The following LRRFIP1 variants were observed in gnomAD, a reference collection of about 807,000 sequenced individuals.
The protein encoded by LRRFIP1 is LRR binding FLII interacting protein 1.
LRRFIP1 carries 62 observed loss-of-function variants against 104.4 expected under a neutral mutation model. The observed-to-expected ratio is 0.59, with a 90% CI of 0.48 to 0.73. The LOEUF is 0.73. LRRFIP1 is among the 30% of genes least tolerant of loss of function. The pLI is 0.00. For missense variants in LRRFIP1, 796 were observed against 824.5 expected (o/e 0.97, Z 0.42); for synonymous variants, 300 against 299.0 (o/e 1.00, Z -0.03).
intron 1 of LRRFIP1, among the ~76,000 whole-genome samples, chr2:237,630,789 C>T (rs1318097592): frequency 6.6e-6 from 1 of 152,256 alleles, no homozygotes; most frequent in African/African-American, 2.4e-5. Flanking sequence ...ACCTGCGCAG[C>T]TGGTTGGGCT....
intron 23 of LRRFIP1, among the ~76,000 whole-genome samples, chr2:237,778,936 A>C (rs1450583189): frequency 1.3e-5 from 2 of 148,660 alleles, no homozygotes; most frequent in East Asian, 2.0e-4. Flanking sequence ...AACAAACAAA[A>C]AAAGAGGCCG....
At chr2:237,699,136 C>T (rs1225800525) in intron 1 of LRRFIP1, among the ~76,000 whole-genome samples, 1 of 152,178 alleles carries the variant, frequency 6.6e-6, no homozygotes, top group Non-Finnish European at 1.5e-5. Context: ...CCTCATGTTG[C>T]TGTCTATGAC....
At chr2:237,648,930 T>C (rs1436283148) in intron 1 of LRRFIP1, among the ~76,000 whole-genome samples, 1 of 151,946 alleles carries the variant, frequency 6.6e-6, no homozygotes, top group East Asian at 1.9e-4. Context: ...TCTGCTTCCT[T>C]TCTGGGGTGA....
intron 13 of LRRFIP1, among the ~76,000 whole-genome samples, chr2:237,750,673 C>A (rs539092896): frequency 6.6e-6 from 1 of 152,080 alleles, no homozygotes; most frequent in Non-Finnish European, 1.5e-5. Flanking sequence ...GCAGAGTTGG[C>A]GGCAGTCCTG....
At chr2:237,775,990 G>A (rs891946986) in intron 23 of LRRFIP1, among the ~76,000 whole-genome samples, 17 of 150,688 alleles carry the variant, frequency 1.1e-4, no homozygotes, top group South Asian at 6.3e-4. Context: ...TTTTTGAGAC[G>A]GAGTCTGACT....
intron 23 of LRRFIP1, 95 bp downstream of exon 23, chr2:237,774,557 C>T (rs2060921739): frequency 2.5e-6 from 2 of 811,400 alleles, no homozygotes; most frequent in African/African-American, 1.7e-5. Flanking sequence ...GACATCTGCC[C>T]CTGGGCTGGT....
chr2:237,733,770 C>T lies in LRRFIP1; in HGVS notation c.445-4C>T, dbSNP rs1427563042. ...AAAACCTGCCATTTGCTTTCATCCTCCAGCCCTCCTGTCTGTACAGCGCTG... is the reference window on the plus strand; with the variant it reads ...AAAACCTGCCATTTGCTTTCATCCTTCAGCCCTCCTGTCTGTACAGCGCTG... On this transcript the variant is annotated splice_polypyrimidine_tract_variant and splice_region_variant and intron_variant, in intron 8 of 23. Transcript: ENST00000308482. 5 of 1,613,872 alleles carry T rather than the reference C, an allele frequency of 3.1e-6. No homozygotes were observed. The highest frequency in any genetic ancestry group is 2.7e-5 in the African/African-American group (2 of 74,932).
chr2:237,639,580 C>T (rs1225792110), intron 1 of LRRFIP1, among the ~76,000 whole-genome samples: 1 of 152,144 alleles, frequency 6.6e-6, no homozygotes, highest in Non-Finnish European at 1.5e-5. Context: ...TTGTTCTGCA[C>T]GGTTTATCTT....
At chr2:237,709,427 A>C (rs2093968007) in intron 2 of LRRFIP1, among the ~76,000 whole-genome samples, 1 of 152,144 alleles carries the variant, frequency 6.6e-6, no homozygotes, top group Non-Finnish European at 1.5e-5. Flanking sequence ...ATGTGAATTT[A>C]TTTTGTTAGA....
At chr2:237,673,856 C>T (rs1330892840) in intron 1 of LRRFIP1, among the ~76,000 whole-genome samples, 2 of 152,182 alleles carry the variant, frequency 1.3e-5, no homozygotes, top group Non-Finnish European at 2.9e-5. Context: ...CGGAGGCTGT[C>T]TCAGGAGCGC....
At chr2:237,740,987 C>A (rs956118324) in intron 11 of LRRFIP1, among the ~76,000 whole-genome samples, 2 of 152,164 alleles carry the variant, frequency 1.3e-5, no homozygotes, top group Admixed American at 1.3e-4. Flanking sequence ...GAAGACTCTC[C>A]CCTCTGTATA....
intron 23 of LRRFIP1, among the ~76,000 whole-genome samples, chr2:237,774,765 G>T (rs971073728): frequency 6.6e-6 from 1 of 152,218 alleles, no homozygotes; most frequent in South Asian, 2.1e-4. Flanking sequence ...CTTATGCTCC[G>T]AATATTTTTT....
intron 6 of LRRFIP1, 185 bp downstream of exon 6, chr2:237,721,007 A>ATTTATATG (rs2094519003): frequency 1.7e-6 from 1 of 571,844 alleles, no homozygotes; most frequent in East Asian, 2.8e-5. Context: ...TAGAGAGATG[A>ATTTATATG]TTTATATGCA....
At position 237,691,577 on chromosome 2, in the gene LRRFIP1, G is replaced by A. The variant is rs2092756179; in HGVS notation, c.97-16967G>A. ...CGTTAGTGGGGTGCCCGGCCGGCAG[G>A]TGCAGCGGTGCTGGGGCCTAGGCTT... On this transcript the variant is annotated intron_variant, in intron 1 of 23. Coordinates refer to ENST00000308482, the MANE Select transcript of LRRFIP1 (RefSeq NM_001137550.2). The surrounding 1 kb of genome is among the most constrained non-coding windows in gnomAD (Gnocchi z 5.4). 6.6e-6 allele frequency among the ~76,000 whole-genome samples: 1 copy of A among 152,240 alleles called. No homozygotes were observed. The highest frequency in any genetic ancestry group is 2.4e-5 in the African/African-American group (1 of 41,470).
chr2:237,741,757 G>A (rs1057051818), intron 11 of LRRFIP1, among the ~76,000 whole-genome samples: 1 of 152,074 alleles, frequency 6.6e-6, no homozygotes, highest in East Asian at 1.9e-4. Context: ...GAATACAGGA[G>A]GTGGAGGTTG....
At chr2:237,749,501 C>T (rs1008241464) in intron 13 of LRRFIP1, among the ~76,000 whole-genome samples, 177 bp downstream of exon 13, 4 of 152,200 alleles carry the variant, frequency 2.6e-5, no homozygotes, top group African/African-American at 9.6e-5. Flanking sequence ...CAGATAGTGT[C>T]TCCTGCAGGA....
intron 8 of LRRFIP1, among the ~76,000 whole-genome samples, chr2:237,731,362 C>A (rs892058711): frequency 6.6e-6 from 1 of 152,020 alleles, no homozygotes; most frequent in Non-Finnish European, 1.5e-5. Flanking sequence ...CTTGTCCAAC[C>A]CCTTCATGTC....
chr2:237,690,983 G>T (rs1285143993), intron 1 of LRRFIP1, among the ~76,000 whole-genome samples: 1 of 151,198 alleles, frequency 6.6e-6, no homozygotes, highest in Non-Finnish European at 1.5e-5. Flanking sequence ...CTCCCAAGTC[G>T]TCCTTCGGCT....
At chr2:237,671,596 C>T (rs757589962) in intron 1 of LRRFIP1, among the ~76,000 whole-genome samples, 23 of 152,106 alleles carry the variant, frequency 1.5e-4, no homozygotes, top group Middle Eastern at 3.4e-3. Context: ...GGTAAGGGGA[C>T]GGAAGCCGGG....
Sources: allele counts gnomAD v4.1 joint callset (sites outside exome capture counted in the v4.1 genomes callset), GRCh38; gene constraint gnomAD v4.1.1; non-coding constraint Gnocchi (gnomAD v3.1); transcripts MANE v1.5; gene names NCBI Gene and HGNC (gene_info 2026-07-23, HGNC 2026-07-21).